Variants in BABAM2 observed in about 807,000 individuals in gnomAD.
The protein encoded by BABAM2 is BRISC and BRCA1 A complex member 2, also known as BRISC and BRCA1-A complex member 2.
In BABAM2, 31 loss-of-function variants were observed where a neutral mutation model predicts 54.7. That is an observed-to-expected ratio of 0.57 (90% CI 0.43 to 0.77). The LOEUF is 0.77. BABAM2 is among the 30% of genes least tolerant of loss of function. BABAM2 has a pLI of 0.00. For missense variants in BABAM2, 364 were observed against 455.8 expected (o/e 0.80, Z 1.83); for synonymous variants, 167 against 162.9 (o/e 1.03, Z -0.19).
chr2:28,207,884 A>G (rs1169046141), intron 7 of BABAM2, among the ~76,000 whole-genome samples: 3 of 152,074 alleles, frequency 2.0e-5, no homozygotes, highest in African/African-American at 7.2e-5. Context: ...TAGGACCCTC[A>G]ATTTTTTTGT....
In BABAM2 at chr2:28,325,442, A is replaced by G. The variant is rs945845562; in HGVS notation, c.1089-13008A>G. Among the ~76,000 whole-genome samples the G allele has an allele frequency of 1.3e-5, 2 of 152,062 alleles. No individual in the cohort carries two copies. Among genetic ancestry groups the G allele is most frequent in the Non-Finnish European group, 2.9e-5 (2 of 68,000 alleles). On this transcript the variant is annotated intron_variant, in intron 11 of 11. Coordinates refer to ENST00000379624, the MANE Select transcript of BABAM2 (RefSeq NM_199191.3). The surrounding 1 kb of genome is among the most constrained non-coding windows in gnomAD (Gnocchi z 4.3). The stretch of plus-strand genomic sequence containing the variant: ...TCTGTCATCTGCCAGCCTGCATGGA[A>G]CTTCCCCACACCCTACCCCAGCAGA...
intron 10 of BABAM2, among the ~76,000 whole-genome samples, chr2:28,269,850 A>AT (rs10709627): frequency 0.15 from 22,057 of 146,386 alleles, 2,633 homozygotes; most frequent in East Asian, 0.61. Context: ...TTTTCTTGTC[A>AT]TTTTTTTTTT....
chr2:28,290,727 C>T (rs1687220223), intron 10 of BABAM2, among the ~76,000 whole-genome samples: 1 of 152,144 alleles, frequency 6.6e-6, no homozygotes, highest in Non-Finnish European at 1.5e-5. Flanking sequence ...TTAGGGAATG[C>T]AGGCTCTTAG....
intron 6 of BABAM2, among the ~76,000 whole-genome samples, chr2:28,123,350 A>G (rs920958434): frequency 1.3e-5 from 2 of 152,198 alleles, no homozygotes; most frequent in Admixed American, 1.3e-4. Flanking sequence ...TGCCTGGCAG[A>G]CTTTTATAAA....
intron 6 of BABAM2, among the ~76,000 whole-genome samples, chr2:28,057,637 C>T (rs1334518349): frequency 2.6e-5 from 4 of 152,158 alleles, no homozygotes; most frequent in Non-Finnish European, 4.4e-5. Flanking sequence ...CATCAATCAG[C>T]AGACCTACAA....
chr2:27,938,683 C>A (rs1298395137), intron 3 of BABAM2, among the ~76,000 whole-genome samples: 1 of 152,086 alleles, frequency 6.6e-6, no homozygotes, highest in Non-Finnish European at 1.5e-5. Context: ...AGCCACTGTG[C>A]TCGGCCAGCT....
intron 3 of BABAM2, among the ~76,000 whole-genome samples, chr2:27,969,425 G>A (rs1013027549): frequency 6.6e-6 from 1 of 152,110 alleles, no homozygotes; most frequent in African/African-American, 2.4e-5. Context: ...GTTAAGTGGG[G>A]TTAAATTTCA....
intron 11 of BABAM2, among the ~76,000 whole-genome samples, chr2:28,299,346 T>G (rs908540604): frequency 2.6e-5 from 4 of 152,236 alleles, no homozygotes; most frequent in African/African-American, 7.2e-5. Context: ...TTTTTATATT[T>G]AAGACTTTGG....
chr2:27,900,258 A>G (rs1352654196), intron 2 of BABAM2, among the ~76,000 whole-genome samples: 1 of 152,238 alleles, frequency 6.6e-6, no homozygotes, highest in African/African-American at 2.4e-5. Flanking sequence ...CACAAGAACC[A>G]GTCTTATTAC....
chr2:28,157,153 A>G (rs1672621114), intron 7 of BABAM2, among the ~76,000 whole-genome samples: 2 of 152,208 alleles, frequency 1.3e-5, no homozygotes, highest in South Asian at 2.1e-4. Context: ...TGACTGGGAA[A>G]GCTTTTCCTG....
intron 6 of BABAM2, among the ~76,000 whole-genome samples, chr2:28,118,571 G>T (rs1380091897): frequency 4.0e-5 from 6 of 151,296 alleles, no homozygotes; most frequent in African/African-American, 7.3e-5. Context: ...AGGGTTGTTT[G>T]TTTTTTTTCT....
At chr2:28,118,214 A>G (rs1668769434) in intron 6 of BABAM2, among the ~76,000 whole-genome samples, 1 of 152,216 alleles carries the variant, frequency 6.6e-6, no homozygotes, top group Non-Finnish European at 1.5e-5. Flanking sequence ...AGAATGATTT[A>G]TATTCCTTTG....
intron 3 of BABAM2, among the ~76,000 whole-genome samples, chr2:27,971,474 T>TC (rs1388846363): frequency 3.9e-5 from 6 of 152,122 alleles, no homozygotes; most frequent in Non-Finnish European, 8.8e-5. Context: ...TTTCATCGTT[T>TC]CCTCCAAATG....
Position 28,298,133 on chromosome 2 carries a change from C to CCT in BABAM2, c.935-202_935-201dup, listed in dbSNP as rs140045161. Among the ~76,000 whole-genome samples, 1,103 of 152,222 alleles carry CCT rather than the reference C, an allele frequency of 7.2e-3. 10 individuals carry two copies. Among genetic ancestry groups the CCT allele is most frequent in the African/African-American group, 0.025 (1,045 of 41,522 alleles). On this transcript the variant is annotated intron_variant, in intron 10 of 11. Coordinates refer to ENST00000379624, the MANE Select transcript of BABAM2 (RefSeq NM_199191.3). ...GACATTTTCACCCACGTGTGATTTG[C>CCT]CTCTAGATTATAAACTCCTCGAAGA...
At chr2:28,262,505 A>G (rs969994517) in intron 10 of BABAM2, among the ~76,000 whole-genome samples, 2 of 152,022 alleles carry the variant, frequency 1.3e-5, no homozygotes, top group African/African-American at 4.8e-5. Context: ...ACATATTGGA[A>G]GTAGAACTGG....
At chr2:28,024,144 C>T (rs1216614880) in intron 4 of BABAM2, among the ~76,000 whole-genome samples, 1 of 152,144 alleles carries the variant, frequency 6.6e-6, no homozygotes, top group African/African-American at 2.4e-5. Context: ...GTGGCTCACG[C>T]CTCTAATCCC....
intron 6 of BABAM2, among the ~76,000 whole-genome samples, chr2:28,090,638 T>C (rs1666082338): frequency 6.6e-6 from 1 of 152,222 alleles, no homozygotes; most frequent in African/African-American, 2.4e-5. Context: ...GGTATGCTTC[T>C]AGCTTAGGGT....
At chr2:27,991,681 G>T (rs1439154871) in intron 4 of BABAM2, among the ~76,000 whole-genome samples, 1 of 152,078 alleles carries the variant, frequency 6.6e-6, no homozygotes, top group East Asian at 1.9e-4. Context: ...TGATCTCTTT[G>T]ACTTAGCGTA....
At chr2:28,088,891 C>CTG (rs1191809644) in intron 6 of BABAM2, among the ~76,000 whole-genome samples, 1 of 152,064 alleles carries the variant, frequency 6.6e-6, no homozygotes, top group Non-Finnish European at 1.5e-5. Flanking sequence ...CCATGTTCAT[C>CTG]TGTGTGTGTG....
Sources: allele counts gnomAD v4.1 joint callset (sites outside exome capture counted in the v4.1 genomes callset), GRCh38; gene constraint gnomAD v4.1.1; non-coding constraint Gnocchi (gnomAD v3.1); transcripts MANE v1.5; gene names NCBI Gene and HGNC (gene_info 2026-07-23, HGNC 2026-07-21).